LIN52: variants seen among roughly 807,000 people sequenced by gnomAD.
The protein encoded by LIN52 is lin-52 DREAM MuvB core complex component.
In LIN52, 4 loss-of-function variants were observed where a neutral mutation model predicts 18.5. That is an observed-to-expected ratio of 0.22 (90% CI 0.11 to 0.49). The LOEUF (loss-of-function observed/expected upper bound fraction) is 0.49, where lower values mean the gene tolerates loss of function less well. Ranked by LOEUF, LIN52 falls within the 20% of genes least tolerant of loss-of-function variation. The pLI is 0.97. For missense variants in LIN52, 102 were observed against 139.5 expected, an observed-to-expected ratio of 0.73 and a Z score of 1.35; for synonymous variants, 34 against 45.5, an observed-to-expected ratio of 0.75 and a Z score of 1.02.
intron 5 of LIN52, among the ~76,000 whole-genome samples, chr14:74,196,146 C>G (rs1325387307): frequency 6.6e-6 from 1 of 152,054 alleles, no homozygotes; most frequent in Non-Finnish European, 1.5e-5. Flanking sequence ...TTTCCTGCAG[C>G]TCTGTGTACT....
At position 74,187,616 on chromosome 14, in the gene LIN52, A is replaced by G. The variant is rs193069167; in HGVS notation, c.284-11306A>G. 4.6e-5 allele frequency among the ~76,000 whole-genome samples: 7 copies of G among 152,328 alleles called. No individual in the cohort carries two copies. In the East Asian group the frequency reaches 1.2e-3, roughly 25 times the overall value. On this transcript the variant is annotated intron_variant, in intron 5 of 5. Transcript: ENST00000555028. ...ACCACAGCAAAAATATCTTACAGGT[A>G]TTTCTAGCCTTTTCAAATTATGTGC...
chr14:74,112,651 GA>G (rs1361467961), intron 5 of LIN52, among the ~76,000 whole-genome samples: 1 of 152,126 alleles, frequency 6.6e-6, no homozygotes, highest in African/African-American at 2.4e-5. Flanking sequence ...AGTCCTTCAA[GA>G]AAAATTTAAT....
chr14:74,199,113 CT>C lies in LIN52; in HGVS notation c.*137del. Reference sequence around the variant, plus strand: ...TCCAGGACTGCCCTCTCCCCTGCTCCTGGCACTCTACACGTCTGAGGACATT... The same window carrying C: ...TCCAGGACTGCCCTCTCCCCTGCTCCGGCACTCTACACGTCTGAGGACATT... On this transcript the variant is annotated 3_prime_UTR_variant, in exon 6 of 6. Coordinates refer to ENST00000555028, the MANE Select transcript of LIN52 (RefSeq NM_001024674.3). 1.6e-6 allele frequency: 1 copy of C among 637,124 alleles called. No individual in the cohort carries two copies. Among genetic ancestry groups the C allele is most frequent in the South Asian group, 1.9e-5 (1 of 53,362 alleles). 39.5% of individuals were successfully genotyped at this position (637,124 alleles called of 1,614,324 possible). A position where few individuals can be genotyped will look rare whatever the true frequency, so the allele number is the denominator to read the frequency against.
intron 5 of LIN52, among the ~76,000 whole-genome samples, chr14:74,180,129 C>T (rs62006779): frequency 0.31 from 46,617 of 151,954 alleles, 9,178 homozygotes; most frequent in Non-Finnish European, 0.42. Flanking sequence ...TCCTGATATC[C>T]GCACCTGGCC....
At chr14:74,182,713 C>T (rs963621307) in intron 5 of LIN52, among the ~76,000 whole-genome samples, 1 of 152,090 alleles carries the variant, frequency 6.6e-6, no homozygotes, top group Admixed American at 6.6e-5. Flanking sequence ...TGGCCTGGAC[C>T]TGAAAGTTAG....
chr14:74,166,415 G>A (rs1443369298), intron 5 of LIN52, among the ~76,000 whole-genome samples: 2 of 148,660 alleles, frequency 1.3e-5, no homozygotes, highest in African/African-American at 5.0e-5. Flanking sequence ...GGGTTTCTCC[G>A]TGTTGGTCAG....
At chr14:74,088,999 G>GGA (rs1481198413) in intron 1 of LIN52, among the ~76,000 whole-genome samples, 1 of 152,126 alleles carries the variant, frequency 6.6e-6, no homozygotes, top group African/African-American at 2.4e-5. Flanking sequence ...ACTTTAAGCT[G>GGA]GAGAGAGACA....
intron 5 of LIN52, among the ~76,000 whole-genome samples, chr14:74,156,434 A>AAGTCT (rs2061199400): frequency 6.6e-6 from 1 of 152,194 alleles, no homozygotes; most frequent in African/African-American, 2.4e-5. Context: ...ATGGTGAGAA[A>AAGTCT]AGTCTATCCT....
intron 5 of LIN52, among the ~76,000 whole-genome samples, chr14:74,170,438 A>C (rs1414238468): frequency 6.6e-6 from 1 of 152,100 alleles, no homozygotes; most frequent in Admixed American, 6.5e-5. Flanking sequence ...TGGGGTAAAT[A>C]TGAACTATTA....
intron 5 of LIN52, among the ~76,000 whole-genome samples, chr14:74,158,890 A>G (rs2061212303): frequency 6.6e-6 from 1 of 152,232 alleles, no homozygotes; most frequent in South Asian, 2.1e-4. Context: ...AAATAACACA[A>G]AATTTCAGAA....
chr14:74,101,902 A>G (rs1487920081), intron 5 of LIN52, among the ~76,000 whole-genome samples: 1 of 152,174 alleles, frequency 6.6e-6, no homozygotes, highest in African/African-American at 2.4e-5. Flanking sequence ...CCTCTGAAGT[A>G]GCTGGGACTA....
chr14:74,134,376 G>A (rs2061085907), intron 5 of LIN52, among the ~76,000 whole-genome samples: 2 of 152,158 alleles, frequency 1.3e-5, no homozygotes, highest in African/African-American at 4.8e-5. Flanking sequence ...TAGGAGATTA[G>A]GTAGGAATGG....
At chr14:74,098,364 C>A (rs1163187873) in intron 4 of LIN52, among the ~76,000 whole-genome samples, 1 of 151,806 alleles carries the variant, frequency 6.6e-6, no homozygotes, top group East Asian at 1.9e-4. Flanking sequence ...ACTAAAAATA[C>A]AAAAATCAAC....
At chr14:74,101,460 C>CT (rs200423163) in intron 5 of LIN52, among the ~76,000 whole-genome samples, 3,852 of 138,794 alleles carry the variant, frequency 0.028, 153 homozygotes, top group African/African-American at 0.089. Context: ...AATGATTTTT[C>CT]TTTTTTTTTT....
chr14:74,121,949 A>G (rs1027153799), intron 5 of LIN52, among the ~76,000 whole-genome samples: 4 of 151,906 alleles, frequency 2.6e-5, no homozygotes, highest in African/African-American at 9.7e-5. Context: ...TCTCAAACAC[A>G]CCTTCACTTT....
intron 5 of LIN52, among the ~76,000 whole-genome samples, chr14:74,156,853 G>A (rs2061200876): frequency 6.6e-6 from 1 of 151,962 alleles, no homozygotes; most frequent in African/African-American, 2.4e-5. Flanking sequence ...GTACTTAGGA[G>A]ATCAACTTTT....
At chr14:74,139,282 A>G (rs764364029) in intron 5 of LIN52, among the ~76,000 whole-genome samples, 17 of 152,268 alleles carry the variant, frequency 1.1e-4, no homozygotes, top group Non-Finnish European at 2.2e-4. Context: ...ATACAGAGGA[A>G]GAGGGAACAT....
At chr14:74,103,008 C>T (rs888472140) in intron 5 of LIN52, among the ~76,000 whole-genome samples, 31 of 152,308 alleles carry the variant, frequency 2.0e-4, no homozygotes, top group Non-Finnish European at 4.1e-4. Context: ...TTCCAGGCAT[C>T]ATATTACCCC....
chr14:74,135,105 G>A (rs532398026), intron 5 of LIN52, among the ~76,000 whole-genome samples: 14 of 152,034 alleles, frequency 9.2e-5, no homozygotes, highest in South Asian at 4.2e-4. Flanking sequence ...TTGCTCTGTC[G>A]CCAGGCTGGA....
Sources: allele counts gnomAD v4.1 joint callset (sites outside exome capture counted in the v4.1 genomes callset), GRCh38; gene constraint gnomAD v4.1.1; transcripts MANE v1.5; gene names NCBI Gene and HGNC (gene_info 2026-07-23, HGNC 2026-07-21).